Variants in RBFOX1 observed in about 807,000 individuals in gnomAD.
The protein encoded by RBFOX1 is RNA binding protein fox-1 homolog 1.
RBFOX1 carries 8 observed loss-of-function variants against 57.7 expected under a neutral mutation model. The observed-to-expected ratio is 0.14, with a 90% CI of 0.08 to 0.25. The LOEUF is 0.25. Ranked by LOEUF, RBFOX1 falls within the 10% of genes least tolerant of loss-of-function variation. The pLI is 1.00. For missense variants in RBFOX1, 611 were observed against 548.5 expected (o/e 1.11, Z -1.14); for synonymous variants, 326 against 222.4 (o/e 1.47, Z -4.15).
Position 6,890,912 on chromosome 16 carries a change from G to GC in RBFOX1, c.-15-161145_-15-161144insC, listed in dbSNP as rs1220812272. On this transcript the variant is annotated intron_variant, in intron 3 of 15. Transcript: ENST00000550418. The stretch of plus-strand genomic sequence containing the variant: ...GGGGTATGAAGTGAGCATGAAGTGA[G>GC]AAACTTGAACAGACTCTTGCTTGCT... 2.6e-5 allele frequency among the ~76,000 whole-genome samples: 4 copies of GC among 152,304 alleles called. No individual in the cohort carries two copies. The East Asian group carries it at 7.7e-4, about 29-fold the overall frequency.
At chr16:6,757,036 G>T (rs1317692801) in intron 3 of RBFOX1, among the ~76,000 whole-genome samples, 1 of 13,734 alleles carries the variant, frequency 7.3e-5, no homozygotes, top group Non-Finnish European at 6.8e-3. Flanking sequence ...TGGCCAACAG[G>T]TATAAAAAAA....
At chr16:7,509,121 C>T (rs1358697826) in intron 4 of RBFOX1, among the ~76,000 whole-genome samples, 2 of 152,098 alleles carry the variant, frequency 1.3e-5, no homozygotes, top group East Asian at 1.9e-4. Flanking sequence ...CTTGTTTTTG[C>T]TCACTGGGAG....
chr16:7,427,624 CTTTTTATTTT>C (rs2098634114), intron 4 of RBFOX1, among the ~76,000 whole-genome samples: 2 of 151,434 alleles, frequency 1.3e-5, no homozygotes, highest in African/African-American at 2.4e-5. Context: ...TTTTCTTCTT[CTTTTTATTTT>C]TTTTTATTTT....
At chr16:5,388,057 G>A (rs776981154) in intron 1 of RBFOX1, among the ~76,000 whole-genome samples, 3 of 152,106 alleles carry the variant, frequency 2.0e-5, no homozygotes, top group African/African-American at 7.2e-5. Flanking sequence ...CCATAGAAAC[G>A]CCAGGAAGGA....
intron 3 of RBFOX1, among the ~76,000 whole-genome samples, chr16:5,612,318 C>T (rs939959251): frequency 1.3e-5 from 2 of 149,656 alleles, no homozygotes; most frequent in African/African-American, 4.9e-5. Context: ...CCCATCTACT[C>T]ATCCACCTAT....
chr16:6,253,543 A>G (rs986919427), intron 1 of RBFOX1, among the ~76,000 whole-genome samples: 2 of 152,008 alleles, frequency 1.3e-5, no homozygotes, highest in East Asian at 3.9e-4. Flanking sequence ...CACTTTTATA[A>G]CCACACACTC....
At chr16:6,335,731 TCG>T (rs2083550459) in intron 2 of RBFOX1, among the ~76,000 whole-genome samples, 1 of 131,462 alleles carries the variant, frequency 7.6e-6, no homozygotes, top group East Asian at 2.2e-4. Context: ...TAAGCTGAGA[TCG>T]CACCACTACA....
chr16:6,238,784 T>G (rs62015131), intron 1 of RBFOX1, among the ~76,000 whole-genome samples: 30,254 of 152,070 alleles, frequency 0.2, 3,709 homozygotes, highest in African/African-American at 0.35. Flanking sequence ...ATTTTTGTGG[T>G]TGTATATATT....
chr16:7,268,897 C>A (rs2093612043), intron 4 of RBFOX1, among the ~76,000 whole-genome samples: 1 of 151,642 alleles, frequency 6.6e-6, no homozygotes, highest in Non-Finnish European at 1.5e-5. Context: ...ATTAGCCAAG[C>A]GTGGTGGCAA....
intron 4 of RBFOX1, among the ~76,000 whole-genome samples, chr16:7,098,791 AAAAT>A (rs1191141559): frequency 2.0e-5 from 3 of 152,130 alleles, no homozygotes; most frequent in Non-Finnish European, 2.9e-5. Context: ...GTCTATCTTT[AAAAT>A]AAATAAATAA....
intron 4 of RBFOX1, among the ~76,000 whole-genome samples, chr16:7,226,313 G>A (rs2093116606): frequency 6.6e-6 from 1 of 152,178 alleles, no homozygotes; most frequent in Non-Finnish European, 1.5e-5. Context: ...CTCTGAAACT[G>A]GAGAAGAGGT....
At chr16:6,009,802 A>ATGTGTGTGTGTCTGTG (rs1555469408) in intron 4 of RBFOX1, among the ~76,000 whole-genome samples, 1 of 58,562 alleles carries the variant, frequency 1.7e-5, no homozygotes, top group Admixed American at 1.7e-4. Flanking sequence ...CAGTGTGTGT[A>ATGTGTGTGTGTCTGTG]TGTGTGTGTG....
chr16:5,249,626 G>T (rs2062394917), intron 1 of RBFOX1, among the ~76,000 whole-genome samples: 1 of 152,140 alleles, frequency 6.6e-6, no homozygotes, highest in African/African-American at 2.4e-5. Flanking sequence ...GTTAGTTTTT[G>T]TTCTGCTTAT....
At chr16:5,678,527 A>T (rs74004485) in intron 3 of RBFOX1, among the ~76,000 whole-genome samples, 4,472 of 152,292 alleles carry the variant, frequency 0.029, 231 homozygotes, top group African/African-American at 0.1. Flanking sequence ...ATTTCAAGTT[A>T]GAACCCGGTT....
At chr16:7,407,392 G>A in intron 4 of RBFOX1, among the ~76,000 whole-genome samples, 1 of 151,338 alleles carries the variant, frequency 6.6e-6, no homozygotes, top group East Asian at 1.9e-4. Flanking sequence ...GTGTGTGTGT[G>A]TGTGTGTGTG....
In RBFOX1 at chr16:6,673,206, C is replaced by G. The variant is rs1248925990; in HGVS notation, c.-16+18556C>G. 3.9e-5 allele frequency among the ~76,000 whole-genome samples: 6 copies of G among 152,298 alleles called. No individual in the cohort carries two copies. In the East Asian group the frequency reaches 1.2e-3, roughly 29 times the overall value. ...GTCTCCATGCTCCTTCCAGAGTAGT[C>G]TTCATCCCATCTGTGTCTTCTCTAT... On this transcript the variant is annotated intron_variant, in intron 3 of 15. Coordinates refer to ENST00000550418, the MANE Select transcript of RBFOX1 (RefSeq NM_018723.4).
intron 4 of RBFOX1, among the ~76,000 whole-genome samples, chr16:6,006,179 C>A (rs1051316328): frequency 6.6e-6 from 1 of 152,150 alleles, no homozygotes; most frequent in Non-Finnish European, 1.5e-5. Context: ...CACCCGGTTT[C>A]CTACGGGGAA....
intron 3 of RBFOX1, among the ~76,000 whole-genome samples, chr16:5,666,488 A>G (rs1029332635): frequency 2.0e-5 from 3 of 152,200 alleles, no homozygotes; most frequent in Non-Finnish European, 4.4e-5. Flanking sequence ...TCCCAGAAAT[A>G]GAGCGATGGA....
At chr16:7,387,747 C>A (rs2097909236) in intron 4 of RBFOX1, among the ~76,000 whole-genome samples, 2 of 152,104 alleles carry the variant, frequency 1.3e-5, no homozygotes, top group African/African-American at 2.4e-5. Context: ...TCCAGGCCTC[C>A]CCACAATCCC....
Sources: allele counts gnomAD v4.1 joint callset (sites outside exome capture counted in the v4.1 genomes callset), GRCh38; gene constraint gnomAD v4.1.1; transcripts MANE v1.5; gene names NCBI Gene and HGNC (gene_info 2026-07-23, HGNC 2026-07-21).